Variants in CPNE8 observed in about 807,000 individuals in gnomAD.
CPNE8 encodes copine-8.
A neutral mutation model predicts 81.5 loss-of-function variants in CPNE8; 45 were observed. The observed-to-expected ratio is 0.55, with a 90% CI of 0.44 to 0.71. CPNE8 has a LOEUF of 0.71. Among genes scored for constraint, CPNE8 ranks in the 30% least tolerant of loss-of-function variants. CPNE8 has a pLI of 0.00. For missense variants in CPNE8, 594 were observed against 672.1 expected (o/e 0.88, Z 1.28); for synonymous variants, 252 against 226.3 (o/e 1.11, Z -1.02).
intron 15 of CPNE8, among the ~76,000 whole-genome samples, chr12:38,687,795 T>C (rs1939567216): frequency 6.6e-6 from 1 of 152,236 alleles, no homozygotes; most frequent in Admixed American, 6.5e-5. Context: ...TTTTTTCTTT[T>C]AATTTTGTCT....
At chr12:38,904,160 G>A (rs972524030) in intron 1 of CPNE8, among the ~76,000 whole-genome samples, 4 of 152,278 alleles carry the variant, frequency 2.6e-5, no homozygotes, top group East Asian at 3.9e-4. Flanking sequence ...TTCAAGGCAA[G>A]TTTGCTAAGG....
intron 6 of CPNE8, among the ~76,000 whole-genome samples, chr12:38,818,183 G>C (rs1298941731): frequency 6.6e-6 from 1 of 152,000 alleles, no homozygotes; most frequent in Non-Finnish European, 1.5e-5. Flanking sequence ...TGTGCAGAAA[G>C]TGCAGGTTTG....
At chr12:38,904,711 C>A (rs1443424296) in intron 1 of CPNE8, among the ~76,000 whole-genome samples, 2 of 152,126 alleles carry the variant, frequency 1.3e-5, no homozygotes, top group African/African-American at 4.8e-5. Flanking sequence ...TCGTGATCCA[C>A]CCGCCTTGGC....
intron 6 of CPNE8, among the ~76,000 whole-genome samples, chr12:38,793,186 C>T (rs1489960672): frequency 7.0e-6 from 1 of 142,794 alleles, no homozygotes; most frequent in South Asian, 2.1e-4. Flanking sequence ...GCCCACTCTC[C>T]CACTTCTATT....
At chr12:38,797,787 G>A (rs980018365) in intron 6 of CPNE8, among the ~76,000 whole-genome samples, 1 of 152,086 alleles carries the variant, frequency 6.6e-6, no homozygotes, top group African/African-American at 2.4e-5. Flanking sequence ...TGGCAAAGAA[G>A]TTAAAAACTT....
Position 38,879,784 on chromosome 12 carries a change from G to C in CPNE8, c.99-5273C>G, listed in dbSNP as rs189196485. On this transcript the variant is annotated intron_variant, in intron 1 of 19. Coordinates refer to ENST00000331366, the MANE Select transcript of CPNE8 (RefSeq NM_153634.3). ...CAGAGTAAAGGCAATTTTGCTATTTGTGATCTTTTTAAAGTTCTAATTTAA... is the reference window on the plus strand; with the variant it reads ...CAGAGTAAAGGCAATTTTGCTATTTCTGATCTTTTTAAAGTTCTAATTTAA... 5.9e-5 allele frequency among the ~76,000 whole-genome samples: 9 copies of C among 152,038 alleles called. No homozygotes were observed. The East Asian group carries it at 1.7e-3, about 29-fold the overall frequency.
intron 10 of CPNE8, among the ~76,000 whole-genome samples, chr12:38,751,435 T>G (rs1222073203): frequency 6.6e-6 from 1 of 152,228 alleles, no homozygotes; most frequent in Non-Finnish European, 1.5e-5. Flanking sequence ...TTTTACTATA[T>G]ATGTTGCAAT....
At chr12:38,807,449 A>C (rs959230343) in intron 6 of CPNE8, among the ~76,000 whole-genome samples, 1 of 151,952 alleles carries the variant, frequency 6.6e-6, no homozygotes, top group Non-Finnish European at 1.5e-5. Flanking sequence ...ATAACACTGC[A>C]TGTCTACAAC....
intron 13 of CPNE8, among the ~76,000 whole-genome samples, chr12:38,708,661 C>T (rs1308834532): frequency 6.6e-6 from 1 of 152,036 alleles, no homozygotes; most frequent in Non-Finnish European, 1.5e-5. Flanking sequence ...TGGAAAATGC[C>T]CCTATTTTAC....
intron 10 of CPNE8, among the ~76,000 whole-genome samples, chr12:38,757,708 A>T (rs1229973032): frequency 1.3e-5 from 2 of 152,018 alleles, no homozygotes; most frequent in African/African-American, 4.8e-5. Context: ...TAAAATATAG[A>T]TCTATTTTTG....
At chr12:38,696,546 G>A (rs1939802959) in intron 14 of CPNE8, among the ~76,000 whole-genome samples, 1 of 152,100 alleles carries the variant, frequency 6.6e-6, no homozygotes, top group African/African-American at 2.4e-5. Flanking sequence ...AACTTAACAT[G>A]TATTGACAAT....
rs1169851605 is a variant in CPNE8, at chr12:38,813,129, AG to A, written c.407+16249del. On this transcript the variant is annotated intron_variant, in intron 6 of 19. Coordinates refer to ENST00000331366, the MANE Select transcript of CPNE8 (RefSeq NM_153634.3). ...AAGAGTTGAGATTATTTTTCTTCAA[AG>A]GGCATGGAAAAGAATTGGAGGATTT... Among the ~76,000 whole-genome samples, 3 of 152,222 alleles carry A rather than the reference AG, an allele frequency of 2.0e-5. No homozygotes were observed. In the East Asian group the frequency reaches 5.8e-4, roughly 29 times the overall value.
chr12:38,654,240 G>A (rs924957386), intron 19 of CPNE8, among the ~76,000 whole-genome samples, 170 bp from the exon 20 acceptor site: 3 of 152,008 alleles, frequency 2.0e-5, no homozygotes, highest in Non-Finnish European at 4.4e-5. Context: ...AATAGGCCAG[G>A]CATGGTGGCT....
At chr12:38,774,806 A>G (rs1941891461) in intron 7 of CPNE8, among the ~76,000 whole-genome samples, 1 of 152,184 alleles carries the variant, frequency 6.6e-6, no homozygotes, top group Non-Finnish European at 1.5e-5. Flanking sequence ...TTTTTAGATG[A>G]GAAAAGTGAG....
intron 6 of CPNE8, among the ~76,000 whole-genome samples, chr12:38,792,150 C>A (rs1192851896): frequency 6.6e-6 from 1 of 151,186 alleles, no homozygotes; most frequent in Non-Finnish European, 1.5e-5. Flanking sequence ...CTCAAGTCAA[C>A]AACCTAACTT....
chr12:38,765,026 G>C (rs559997440), intron 8 of CPNE8, among the ~76,000 whole-genome samples: 1 of 152,166 alleles, frequency 6.6e-6, no homozygotes, highest in Non-Finnish European at 1.5e-5. Context: ...ACCAGCTGCA[G>C]TAATTAAATA....
intron 6 of CPNE8, among the ~76,000 whole-genome samples, chr12:38,796,817 C>A (rs1684426): frequency 6.6e-6 from 1 of 152,020 alleles, no homozygotes; most frequent in African/African-American, 2.4e-5. Flanking sequence ...ACAGGCGGCA[C>A]CTGGAAAATC....
At chr12:38,696,735 C>T (rs896941249) in intron 14 of CPNE8, among the ~76,000 whole-genome samples, 4 of 152,106 alleles carry the variant, frequency 2.6e-5, no homozygotes, top group Non-Finnish European at 5.9e-5. Flanking sequence ...GCATAAGTTA[C>T]GTATTAACCA....
chr12:38,740,672 G>C (rs144158132), intron 10 of CPNE8, among the ~76,000 whole-genome samples: 5,345 of 152,214 alleles, frequency 0.035, 294 homozygotes, highest in African/African-American at 0.12. Flanking sequence ...CTTTGGTTTT[G>C]TTTATATGCT....
Sources: allele counts gnomAD v4.1 joint callset (sites outside exome capture counted in the v4.1 genomes callset), GRCh38; gene constraint gnomAD v4.1.1; transcripts MANE v1.5; gene names NCBI Gene and HGNC (gene_info 2026-07-23, HGNC 2026-07-21).